The following PLCE1 variants were observed in gnomAD, a reference collection of about 807,000 sequenced individuals.
PLCE1 encodes phospholipase C epsilon 1, also known as 1-phosphatidylinositol 4,5-bisphosphate phosphodiesterase epsilon-1.
PLCE1 carries 119 observed loss-of-function variants against 242.8 expected under a neutral mutation model. The ratio of observed to expected loss-of-function variants is 0.49; its 90% CI spans 0.42 to 0.57. The LOEUF (loss-of-function observed/expected upper bound fraction) is 0.57. Ranked by LOEUF, PLCE1 falls within the 20% of genes least tolerant of loss-of-function variation. The pLI, the probability that PLCE1 is intolerant of heterozygous loss-of-function variation, is 0.00. For synonymous variants in PLCE1, 945 were observed against 1,017.4 expected (o/e 0.93, Z 1.35); for missense variants, 2,441 against 2,788.8 (o/e 0.88, Z 2.81).
Position 94,321,905 on chromosome 10 carries a change from T to G in PLCE1, c.6347T>G (p.Leu2116Arg), listed in dbSNP as rs2053820935. The G allele has an allele frequency of 3.7e-6, 6 of 1,612,450 alleles. No homozygotes were observed. The highest frequency in any genetic ancestry group is 4.2e-6 in the Non-Finnish European group (5 of 1,178,528). ...RIVLKTQQEN[L>R]EEKNIVQDDK... is the part of the protein sequence containing the mutation. ...ATTTTTTCTTTTTAAACATAGAACCTAGAAGAGAAAAACATTGTTCAAGAT... is the reference window on the plus strand; with the variant it reads ...ATTTTTTCTTTTTAAACATAGAACCGAGAAGAGAAAAACATTGTTCAAGAT... The change falls in exon 30 of 33, where the codon CTA (leucine) becomes CGA (arginine). Residue 2116 changes from leucine to arginine, a missense_variant. By Grantham distance (102) the Leu-to-Arg change is moderately radical. Coordinates refer to ENST00000371380, the MANE Select transcript of PLCE1 (RefSeq NM_016341.4).
intron 3 of PLCE1, among the ~76,000 whole-genome samples, chr10:94,160,574 G>C (rs1202717308): frequency 6.6e-6 from 1 of 152,146 alleles, no homozygotes; most frequent in African/African-American, 2.4e-5. Context: ...CAGGTTGCCT[G>C]TTCACTCTGA....
intron 22 of PLCE1, among the ~76,000 whole-genome samples, chr10:94,292,183 G>C (rs1195373867): frequency 1.3e-5 from 2 of 152,152 alleles, no homozygotes; most frequent in African/African-American, 4.8e-5. Context: ...GAATACTTTG[G>C]AGGTAAAAGA....
chr10:94,266,013 A>AC, intron 16 of PLCE1, 55 bp downstream of exon 16: 4 of 1,569,952 alleles, frequency 2.5e-6, no homozygotes, highest in Non-Finnish European at 3.5e-6. Context: ...TATTTATGTA[A>AC]CCCCCAAAGT....
rs1172653193 is a variant in PLCE1, at chr10:94,325,152, A to T, written c.*24+48A>T. 8 of 1,305,312 alleles carry T rather than the reference A, an allele frequency of 6.1e-6. No homozygotes were observed. The South Asian group carries it at 8.3e-5, about 14-fold the overall frequency. The allele number at this position is 1,305,312 out of a possible 1,614,324, so 80.9% of individuals were successfully genotyped here. On this transcript the variant is annotated intron_variant, in intron 32 of 32. Coordinates refer to ENST00000371380, the MANE Select transcript of PLCE1 (RefSeq NM_016341.4). ...CCTGGAACAGGGCTTAACTTAAACTACTTTGTAAGGAAGGCATAATTAGTA... is the reference window on the plus strand; with the variant it reads ...CCTGGAACAGGGCTTAACTTAAACTTCTTTGTAAGGAAGGCATAATTAGTA...
chr10:94,061,403 C>T (rs12248259), intron 2 of PLCE1, among the ~76,000 whole-genome samples: 1 of 152,200 alleles, frequency 6.6e-6, no homozygotes, highest in Non-Finnish European at 1.5e-5. Flanking sequence ...CTGAAATGTT[C>T]TAAGGGCTAG....
chr10:94,134,872 G>A (rs144335069), intron 3 of PLCE1, among the ~76,000 whole-genome samples: 149 of 152,294 alleles, frequency 9.8e-4, no homozygotes, highest in Non-Finnish European at 1.7e-3. Flanking sequence ...TGCAAGAGTT[G>A]GAAGTTTCTT....
intron 2 of PLCE1, among the ~76,000 whole-genome samples, chr10:94,071,495 G>GTTTTTTTTTTTTTTTTTTGTTT (rs2044354302): frequency 1.2e-5 from 1 of 83,316 alleles, no homozygotes; most frequent in Non-Finnish European, 2.1e-5. Flanking sequence ...TTTGGTTTTC[G>GTTTTTTTTTTTTTTTTTTGTTT]TTTTTTTTTT....
intron 2 of PLCE1, among the ~76,000 whole-genome samples, chr10:94,050,264 GA>G (rs1337284404): frequency 2.0e-5 from 3 of 152,196 alleles, no homozygotes; most frequent in Non-Finnish European, 1.5e-5. Flanking sequence ...CAATCAGGCG[GA>G]AGGGGAAGCA....
chr10:94,045,297 A>T (rs1372231201), intron 2 of PLCE1, among the ~76,000 whole-genome samples: 2 of 151,808 alleles, frequency 1.3e-5, no homozygotes. Context: ...GCTAATCAAA[A>T]ATATATATAT....
At chr10:94,147,040 C>T (rs937493850) in intron 3 of PLCE1, among the ~76,000 whole-genome samples, 11 of 152,058 alleles carry the variant, frequency 7.2e-5, no homozygotes, top group East Asian at 1.9e-4. Context: ...GTTTTCTACA[C>T]GCATAATGTA....
At chr10:94,149,931 A>AT (rs2047222836) in intron 3 of PLCE1, among the ~76,000 whole-genome samples, 2 of 152,230 alleles carry the variant, frequency 1.3e-5, no homozygotes, top group South Asian at 4.1e-4. Context: ...ATCTTCTTGT[A>AT]TTTTTTATAT....
At chr10:94,076,772 T>A (rs2044515203) in intron 2 of PLCE1, among the ~76,000 whole-genome samples, 1 of 149,520 alleles carries the variant, frequency 6.7e-6, no homozygotes, top group African/African-American at 2.6e-5. Context: ...GCCGTGGGTG[T>A]CCCATGAGCT....
intron 2 of PLCE1, among the ~76,000 whole-genome samples, chr10:94,128,745 A>T (rs1038933195): frequency 3.9e-5 from 6 of 152,184 alleles, no homozygotes; most frequent in Non-Finnish European, 7.3e-5. Flanking sequence ...CATGTTGTAA[A>T]TATCTACATC....
chr10:94,105,223 A>G (rs1209392244), intron 2 of PLCE1: 1 of 152,210 alleles, frequency 6.6e-6, no homozygotes, highest in African/African-American at 2.4e-5. Flanking sequence ...GGTGGTGAAC[A>G]TGGGCTTAAA....
chr10:94,309,064 G>A (rs970493788), intron 27 of PLCE1, among the ~76,000 whole-genome samples: 2 of 152,194 alleles, frequency 1.3e-5, no homozygotes, highest in African/African-American at 4.8e-5. Flanking sequence ...ATAACAAAGT[G>A]AGGAAGAGGC....
chr10:94,245,675 G>A lies in PLCE1; in HGVS notation c.2421-271G>A, dbSNP rs144165217. Reference sequence around the variant, plus strand: ...CTGATTTTTGTATTTTTAGTAGAGAGGGGGTTTCACCATGTTGGCCAGGCT... The same window carrying A: ...CTGATTTTTGTATTTTTAGTAGAGAAGGGGTTTCACCATGTTGGCCAGGCT... On this transcript the variant is annotated intron_variant, in intron 7 of 32. Transcript: ENST00000371380. 0.02 allele frequency among the ~76,000 whole-genome samples: 3,008 copies of A among 152,212 alleles called. 36 individuals carry two copies. Among genetic ancestry groups the A allele is most frequent in the South Asian group, 0.04 (191 of 4,822 alleles).
intron 2 of PLCE1, among the ~76,000 whole-genome samples, chr10:94,060,991 G>A (rs1026373114): frequency 1.3e-5 from 2 of 151,936 alleles, no homozygotes; most frequent in South Asian, 2.1e-4. Context: ...GAGCCACCAC[G>A]CCCAGCCTGC....
intron 2 of PLCE1, among the ~76,000 whole-genome samples, chr10:94,130,982 T>C (rs2046583387): frequency 6.6e-6 from 1 of 152,222 alleles, no homozygotes; most frequent in South Asian, 2.1e-4. Flanking sequence ...CTCTTGGCTT[T>C]TCTGTCTCCT....
Position 94,220,343 on chromosome 10 carries a change from T to G in PLCE1, c.1810-6963T>G, listed in dbSNP as rs1344678129. 1.5e-4 allele frequency among the ~76,000 whole-genome samples: 20 copies of G among 129,544 alleles called. 1 individual carries two copies. The South Asian group carries it at 5.2e-3, about 34-fold the overall frequency. 85.0% of individuals were successfully genotyped at this position (129,544 alleles called of 152,430 possible). The stretch of plus-strand genomic sequence containing the variant: ...GGGCAACATAGAGAGACTCCATTTC[T>G]AAAAAGAAATAAAAGCTTAAAAACT... On this transcript the variant is annotated intron_variant, in intron 4 of 32. Transcript: ENST00000371380.
Sources: gnomAD v4.1 joint callset for allele counts (sites outside exome capture counted in the v4.1 genomes callset) on GRCh38, gnomAD v4.1.1 for gene constraint, MANE v1.5 for transcripts, NCBI Gene and HGNC (gene_info 2026-07-23, HGNC 2026-07-21) for gene names.